ARFGEF3: variants seen among roughly 807,000 people sequenced by gnomAD.
The protein encoded by ARFGEF3 is brefeldin A-inhibited guanine nucleotide-exchange protein 3.
A neutral mutation model predicts 221.7 loss-of-function variants in ARFGEF3; 96 were observed. The ratio of observed to expected loss-of-function variants is 0.43; its 90% CI spans 0.37 to 0.51. The LOEUF is 0.51. Among genes scored for constraint, ARFGEF3 ranks in the 20% least tolerant of loss-of-function variants. The pLI is 0.00. For synonymous variants in ARFGEF3, 1,145 were observed against 1,126.8 expected, an observed-to-expected ratio of 1.02 and a Z score of -0.32; for missense variants, 2,410 against 2,789.9, an observed-to-expected ratio of 0.86 and a Z score of 3.07.
intron 20 of ARFGEF3, among the ~76,000 whole-genome samples, chr6:138,294,737 A>T (rs6570218): frequency 6.6e-6 from 1 of 152,016 alleles, no homozygotes; most frequent in Non-Finnish European, 1.5e-5. Flanking sequence ...GTCCCAAAGC[A>T]TTGGCAGGTT....
At chr6:138,323,882 C>G (rs1780080181) in intron 30 of ARFGEF3, 109 bp downstream of exon 30, 1 of 1,537,364 alleles carries the variant, frequency 6.5e-7, no homozygotes, top group African/African-American at 1.4e-5. Context: ...CAGGCAGTCT[C>G]ACTTTAGATC....
intron 2 of ARFGEF3, among the ~76,000 whole-genome samples, chr6:138,192,098 C>T (rs1777314613): frequency 6.6e-6 from 1 of 152,124 alleles, no homozygotes; most frequent in African/African-American, 2.4e-5. Context: ...CTCCTCAGGG[C>T]AATGGAAATG....
chr6:138,323,961 C>T (rs1780081835), intron 30 of ARFGEF3, 62 bp from the exon 31 acceptor site: 2 of 1,591,246 alleles, frequency 1.3e-6, no homozygotes, highest in Non-Finnish European at 1.7e-6. Context: ...ATCTCAGATC[C>T]AAGACTGAGC....
chr6:138,340,567 G>A lies in ARFGEF3; in HGVS notation c.*4081G>A, dbSNP rs1780411146. On this transcript the variant is annotated 3_prime_UTR_variant, in exon 34 of 34. Transcript: ENST00000251691. The stretch of plus-strand genomic sequence containing the variant: ...AAGAGGTTACAAATAGCAGGGAGGA[G>A]GCGAGTAGTGAATGTCACTGTGATT... The A allele has an allele frequency of 6.6e-6, 1 of 152,162 alleles. No individual in the cohort carries two copies. The highest frequency in any genetic ancestry group is 2.4e-5 in the African/African-American group (1 of 41,426). 9.4% of individuals were successfully genotyped at this position (152,162 alleles called of 1,614,324 possible). A position where few individuals can be genotyped will look rare whatever the true frequency, so the allele number is the denominator to read the frequency against.
rs374061664 is a variant in ARFGEF3, at chr6:138,263,444, G to A, written c.1961G>A (p.Arg654Gln). 9 of 1,613,848 alleles carry A rather than the reference G, an allele frequency of 5.6e-6. No homozygotes were observed. The highest frequency in any genetic ancestry group is 4.0e-5 in the African/African-American group (3 of 74,918). The part of the protein sequence containing the change: ...PRDCLGHRSL[R>Q]TAALSLKLLK... ...GACTGCCTAGGCCACCGGTCCCTGCGAACTGCCGCCCTGTCTCTAAAACTG... is the reference window on the plus strand; with the variant it reads ...GACTGCCTAGGCCACCGGTCCCTGCAAACTGCCGCCCTGTCTCTAAAACTG... The change falls in exon 12 of 34, where the codon CGA (arginine) becomes CAA (glutamine). Residue 654 changes from arginine to glutamine, a missense_variant. Physicochemically the swap from Arg to Gln is conservative, Grantham distance 43. This residue lies in a region of ARFGEF3 where 594 missense variants were observed against 734.3 expected (regional missense o/e 0.81). Transcript: ENST00000251691.
chr6:138,254,509 A>G (rs1160665062), intron 9 of ARFGEF3, among the ~76,000 whole-genome samples: 1 of 151,886 alleles, frequency 6.6e-6, no homozygotes, highest in Non-Finnish European at 1.5e-5. Context: ...AGGTGGGCGG[A>G]TCACAAGGTC....
rs780909940 is a variant in ARFGEF3, at chr6:138,291,947, G to A, written c.3262G>A (p.Val1088Ile). 20 of 1,526,372 alleles carry A rather than the reference G, an allele frequency of 1.3e-5. No homozygotes were observed. The South Asian group carries it at 1.7e-4, about 13-fold the overall frequency. The allele number at this position is 1,526,372 out of a possible 1,614,324, so 94.6% of individuals were successfully genotyped here. A position where few individuals can be genotyped will look rare whatever the true frequency, so the allele number is the denominator to read the frequency against. The change falls in exon 19 of 34, where the codon GTC (valine) becomes ATC (isoleucine). Residue 1088 changes from valine (V) to isoleucine (I), a missense_variant. Around this residue, in one of 5 missense-constraint regions of ARFGEF3, gnomAD observed 184 missense variants for 141.8 expected, o/e 1.30. Transcript: ENST00000251691. The surrounding 1 kb of genome is among the most constrained non-coding windows in gnomAD (Gnocchi z 4.5). ...CCAGCCCCTGTCCATCCAGGACCTC[G>A]TCCGGGAAGGCAGCCGGGGTCGGGC... ...VVQPLSIQDL[V>I]REGSRGRASD...
chr6:138,325,043 G>C (rs1027516359), intron 31 of ARFGEF3, among the ~76,000 whole-genome samples: 10 of 152,214 alleles, frequency 6.6e-5, no homozygotes, highest in Non-Finnish European at 1.5e-4. Flanking sequence ...AATAGCAACA[G>C]ACATGCCTGA....
intron 4 of ARFGEF3, among the ~76,000 whole-genome samples, chr6:138,215,167 GA>G (rs1201360196): frequency 2.0e-5 from 3 of 152,216 alleles, no homozygotes; most frequent in Non-Finnish European, 4.4e-5. Context: ...GAGTAGTTAG[GA>G]CTTGTTTCCC....
chr6:138,246,513 AT>A (rs1778489305), intron 8 of ARFGEF3, among the ~76,000 whole-genome samples: 1 of 152,224 alleles, frequency 6.6e-6, no homozygotes, highest in Admixed American at 6.5e-5. Flanking sequence ...TTTCTCAGAA[AT>A]TTAGGATTTT....
chr6:138,286,730 G>T lies in ARFGEF3; in HGVS notation c.2599G>T (p.Gly867Cys). The T allele has an allele frequency of 1.2e-6, 2 of 1,614,032 alleles. No individual in the cohort carries two copies. The highest frequency in any genetic ancestry group is 1.7e-6 in the Non-Finnish European group (2 of 1,179,902). The change falls in exon 16 of 34, where the codon GGC becomes TGC. Residue 867 changes from glycine to cysteine, a missense_variant. This residue lies in a region of ARFGEF3 where 594 missense variants were observed against 734.3 expected (regional missense o/e 0.81). Transcript: ENST00000251691. ...GVAFARYILV[G>C]CWKNLIDTLS... ...GGCATTTGCTCGCTATATTCTGGTG[G>T]GCTGCTGGAAGAACTTGATCGATAC...
intron 12 of ARFGEF3, 97 bp from the exon 13 acceptor site, chr6:138,278,354 T>G: frequency 9.5e-7 from 1 of 1,053,574 alleles, no homozygotes; most frequent in Admixed American, 1.9e-5. Flanking sequence ...ATCCTATTGA[T>G]GCAGTATCTC....
At position 138,298,675 on chromosome 6, in the gene ARFGEF3, G is replaced by A. The variant is rs200270538; in HGVS notation, c.3718G>A (p.Val1240Ile). Residue 1240 changes from valine (V) to isoleucine (I), a missense_variant, in exon 22 of 34, where the codon GTC becomes ATC. Around this residue, in one of 5 missense-constraint regions of ARFGEF3, gnomAD observed 723 missense variants for 991.9 expected, o/e 0.73. Transcript: ENST00000251691. ...CTTCATCCATGACATACTGACAGAAGTCCTCACTGACTGGAATGAGCCACC... is the reference window on the plus strand; with the variant it reads ...CTTCATCCATGACATACTGACAGAAATCCTCACTGACTGGAATGAGCCACC... ...VSFIHDILTE[V>I]LTDWNEPPHF... 6.2e-5 allele frequency: 100 copies of A among 1,613,482 alleles called. No individual in the cohort carries two copies. Among genetic ancestry groups the A allele is most frequent in the Non-Finnish European group, 8.1e-5 (96 of 1,179,746 alleles).
chr6:138,256,812 TCTCA>T (rs10545317), intron 10 of ARFGEF3, among the ~76,000 whole-genome samples: 4,314 of 152,086 alleles, frequency 0.028, 230 homozygotes, highest in African/African-American at 0.1. Flanking sequence ...TGAGACAGAG[TCTCA>T]CTCTGTTGCC....
Position 138,262,697 on chromosome 6 carries a change from TTAGCA to T in ARFGEF3, c.1218-2_1220del. On this transcript the variant is annotated splice_acceptor_variant and splice_polypyrimidine_tract_variant and coding_sequence_variant and intron_variant, in exon 12 of 34. Transcript: ENST00000251691. LOFTEE classifies it high-confidence loss of function. ...TTCCATTTTCTCTTTTGAACACTGT[TTAGCA>T]TCATGGATGGCATGACCGAAGCATG... 1 of 1,597,230 alleles carries T rather than the reference TTAGCA, an allele frequency of 6.3e-7. No homozygotes were observed. The highest frequency in any genetic ancestry group is 8.6e-7 in the Non-Finnish European group (1 of 1,167,488).
At chr6:138,277,937 C>T (rs934736016) in intron 12 of ARFGEF3, among the ~76,000 whole-genome samples, 5 of 152,044 alleles carry the variant, frequency 3.3e-5, no homozygotes, top group African/African-American at 7.2e-5. Flanking sequence ...ATTGAGGGAG[C>T]GCAGCATCCA....
intron 22 of ARFGEF3, 58 bp downstream of exon 22, chr6:138,298,843 C>A: frequency 7.4e-7 from 1 of 1,346,682 alleles, no homozygotes; most frequent in Non-Finnish European, 1.0e-6. Flanking sequence ...CAGTGGCAGG[C>A]ACGGTTCTAT....
intron 32 of ARFGEF3, among the ~76,000 whole-genome samples, 180 bp downstream of exon 32, chr6:138,328,322 A>G (rs1022911438): frequency 1.3e-5 from 2 of 152,206 alleles, no homozygotes; most frequent in Admixed American, 1.3e-4. Flanking sequence ...CATTTCATAC[A>G]TATTAGGTTA....
At chr6:138,197,432 A>G (rs1777450697) in intron 2 of ARFGEF3, among the ~76,000 whole-genome samples, 1 of 152,260 alleles carries the variant, frequency 6.6e-6, no homozygotes, top group African/African-American at 2.4e-5. Flanking sequence ...TAGAAAATAC[A>G]TAAATGAGTA....
Sources: allele counts gnomAD v4.1 joint callset (sites outside exome capture counted in the v4.1 genomes callset), GRCh38; gene constraint gnomAD v4.1.1; regional missense constraint gnomAD v4.1.1; non-coding constraint Gnocchi (gnomAD v3.1); transcripts MANE v1.5; gene names NCBI Gene and HGNC (gene_info 2026-07-23, HGNC 2026-07-21).